CAMSAP2: variants seen among roughly 807,000 people sequenced by gnomAD.
CAMSAP2 encodes the protein calmodulin regulated spectrin associated protein family member 2.
A neutral mutation model predicts 146.1 loss-of-function variants in CAMSAP2; 26 were observed. That is an observed-to-expected ratio of 0.18 (90% confidence interval 0.13 to 0.25). The LOEUF (loss-of-function observed/expected upper bound fraction) is 0.25, where lower values mean the gene tolerates loss of function less well. Ranked by LOEUF, CAMSAP2 falls within the 10% of genes least tolerant of loss-of-function variation. CAMSAP2 has a pLI of 1.00. For missense variants in CAMSAP2, 1,381 were observed against 1,759.3 expected (o/e 0.78, Z 3.85); for synonymous variants, 499 against 596.6 (o/e 0.84, Z 2.38).
chr1:200,812,270 T>C (rs1419319655), intron 3 of CAMSAP2, among the ~76,000 whole-genome samples: 1 of 150,858 alleles, frequency 6.6e-6, no homozygotes, highest in Non-Finnish European at 1.5e-5. Flanking sequence ...GACAAAGAGA[T>C]TATATTTAAT....
chr1:200,760,011 G>A (rs915033664), intron 1 of CAMSAP2, among the ~76,000 whole-genome samples: 1 of 152,242 alleles, frequency 6.6e-6, no homozygotes, highest in African/African-American at 2.4e-5. Context: ...CAGACATTGG[G>A]AGAGTGGGAG....
chr1:200,832,141 T>G lies in CAMSAP2; in HGVS notation c.646-59T>G. 1.4e-6 allele frequency: 2 copies of G among 1,394,852 alleles called. No homozygotes were observed. The highest frequency in any genetic ancestry group is 2.8e-5 in the South Asian group (2 of 71,714). 86.4% of individuals were successfully genotyped at this position (1,394,852 alleles called of 1,614,324 possible). On this transcript the variant is annotated intron_variant, in intron 4 of 16. Coordinates refer to ENST00000358823, the MANE Select transcript of CAMSAP2 (RefSeq NM_203459.4). This position sits in a 1 kb window ranked among gnomAD's most constrained non-coding sequence, Gnocchi z 4.2. ...GTACATTAGAATTTACAGTACTGAT[T>G]TTTTTCCTATGCGTTATTTGGTACT...
Position 200,849,236 on chromosome 1 carries a change from T to G in CAMSAP2, c.2467T>G (p.Ser823Ala). The change falls in exon 11 of 17, where the codon TCA becomes GCA. Residue 823 changes from serine to alanine, a missense_variant. This residue lies in a region of CAMSAP2 where 560 missense variants were observed against 715.9 expected (regional missense o/e 0.78). Transcript: ENST00000358823. This position sits in a 1 kb window ranked among gnomAD's most constrained non-coding sequence, Gnocchi z 6.3. ...VYTDRAKEKE[S>A]QKTDGQRSKS... ...TACTGATCGAGCAAAAGAAAAGGAATCACAAAAAACTGATGGACAAAGGAG... is the reference window on the plus strand; with the variant it reads ...TACTGATCGAGCAAAAGAAAAGGAAGCACAAAAAACTGATGGACAAAGGAG... 1 of 1,613,314 alleles carries G rather than the reference T, an allele frequency of 6.2e-7. No individual in the cohort carries two copies. Among genetic ancestry groups the G allele is most frequent in the Non-Finnish European group, 8.5e-7 (1 of 1,179,858 alleles).
intron 1 of CAMSAP2, among the ~76,000 whole-genome samples, chr1:200,750,885 G>A (rs1664484223): frequency 6.8e-6 from 1 of 146,284 alleles, no homozygotes; most frequent in Non-Finnish European, 1.5e-5. Flanking sequence ...TTATAGGCAT[G>A]AGCCACCGCG....
chr1:200,844,805 TC>T lies in CAMSAP2; in HGVS notation c.1046del (p.Ser349Ter). 6.3e-7 allele frequency: 1 copy of T among 1,593,696 alleles called. No homozygotes were observed. Among genetic ancestry groups the T allele is most frequent in the Admixed American group, 1.8e-5 (1 of 55,350 alleles). On this transcript the variant is annotated frameshift_variant, in exon 8 of 17. Transcript: ENST00000358823. LOFTEE classifies it high-confidence loss of function. ...AGCTGAACCTGTAAAAGATATGCCT[TC>T]AATTCCTGTCTTGAATGCTGCCAAA... is the stretch of plus-strand genomic sequence containing the variant. ...QGAEPVKDMP[S>X]IPVLNAAKRN...
intron 4 of CAMSAP2, among the ~76,000 whole-genome samples, chr1:200,817,548 G>A (rs940245627): frequency 6.6e-6 from 1 of 152,098 alleles, no homozygotes; most frequent in African/African-American, 2.4e-5. Flanking sequence ...TAATCATTCA[G>A]AAACTTTAAT....
At chr1:200,831,562 C>T (rs1011821759) in intron 4 of CAMSAP2, among the ~76,000 whole-genome samples, 1 of 151,432 alleles carries the variant, frequency 6.6e-6, no homozygotes, top group Non-Finnish European at 1.5e-5. Context: ...AAGGTTTCTT[C>T]TCTTTTTCTG....
At chr1:200,845,896 T>C (rs1315440354) in intron 8 of CAMSAP2, among the ~76,000 whole-genome samples, 1 of 152,130 alleles carries the variant, frequency 6.6e-6, no homozygotes, top group African/African-American at 2.4e-5. Context: ...TATTAATACC[T>C]AGATAATCCT....
At chr1:200,787,772 C>T (rs1343948684) in intron 2 of CAMSAP2, among the ~76,000 whole-genome samples, 6 of 152,162 alleles carry the variant, frequency 3.9e-5, no homozygotes, top group Non-Finnish European at 7.4e-5. Context: ...CCAATCAGCA[C>T]GCAAGTTTTG....
chr1:200,780,260 C>T (rs908117118), intron 2 of CAMSAP2, among the ~76,000 whole-genome samples: 1 of 151,918 alleles, frequency 6.6e-6, no homozygotes, highest in African/African-American at 2.4e-5. Context: ...TTACAGAGGT[C>T]GATGTTTTAT....
At chr1:200,791,854 TACTC>T (rs1409815077) in intron 2 of CAMSAP2, among the ~76,000 whole-genome samples, 1 of 152,074 alleles carries the variant, frequency 6.6e-6, no homozygotes, top group East Asian at 1.9e-4. Flanking sequence ...TAATCTCAGT[TACTC>T]AGGAGGCTGA....
intron 11 of CAMSAP2, among the ~76,000 whole-genome samples, chr1:200,851,502 T>C (rs2102258998): frequency 6.6e-6 from 1 of 152,336 alleles, no homozygotes; most frequent in South Asian, 2.1e-4. Context: ...GCCAAGGTAC[T>C]GCATCTTTTT....
chr1:200,857,580 G>A lies in CAMSAP2; in HGVS notation c.4131+156G>A. Reference sequence around the variant, plus strand: ...TCAGATTTAGTTTATTTTCACATTAGGTTCTGGAAGCCTGCAGATTTTATT... The same window carrying A: ...TCAGATTTAGTTTATTTTCACATTAAGTTCTGGAAGCCTGCAGATTTTATT... On this transcript the variant is annotated intron_variant, in intron 16 of 16. Coordinates refer to ENST00000358823, the MANE Select transcript of CAMSAP2 (RefSeq NM_203459.4). This position sits in a 1 kb window ranked among gnomAD's most constrained non-coding sequence, Gnocchi z 4.7. 1.3e-6 allele frequency: 1 copy of A among 780,566 alleles called. No individual in the cohort carries two copies. Among genetic ancestry groups the A allele is most frequent in the Non-Finnish European group, 2.0e-6 (1 of 495,380 alleles). 48.4% of individuals were successfully genotyped at this position (780,566 alleles called of 1,614,324 possible).
intron 3 of CAMSAP2, among the ~76,000 whole-genome samples, chr1:200,812,092 T>G (rs931085512): frequency 2.0e-5 from 3 of 152,208 alleles, no homozygotes; most frequent in African/African-American, 7.2e-5. Context: ...TTTTTTTCTT[T>G]CATAGCACTT....
Position 200,848,992 on chromosome 1 carries a change from C to T in CAMSAP2, c.2223C>T (p.Asp741=), listed in dbSNP as rs1571829741. 6.2e-7 allele frequency: 1 copy of T among 1,614,088 alleles called. No homozygotes were observed. Among genetic ancestry groups the T allele is most frequent in the South Asian group, 1.1e-5 (1 of 91,080 alleles). ...PEETGLPQGR[D]TTQLLASEMV... ...AAACAGGGCTTCCACAGGGACGGGA[C>T]ACTACCCAGCTGTTGGCCTCTGAAA... The change falls in exon 11 of 17, where the codon GAC becomes GAT. Residue 741 remains aspartate (D), a synonymous_variant. Transcript: ENST00000358823.
intron 6 of CAMSAP2, among the ~76,000 whole-genome samples, chr1:200,834,151 C>T (rs902889724): frequency 1.1e-4 from 17 of 151,834 alleles, no homozygotes; most frequent in Admixed American, 7.9e-4. Context: ...ATCACTGAGG[C>T]GAGGAGTTCG....
intron 2 of CAMSAP2, among the ~76,000 whole-genome samples, chr1:200,762,414 ACATAT>A (rs1056789249): frequency 2.0e-5 from 3 of 152,158 alleles, no homozygotes; most frequent in African/African-American, 7.2e-5. Context: ...TGCTTTGCAT[ACATAT>A]CATATGTGAA....
chr1:200,756,561 A>C (rs765241516), intron 1 of CAMSAP2, among the ~76,000 whole-genome samples: 1 of 152,184 alleles, frequency 6.6e-6, no homozygotes, highest in African/African-American at 2.4e-5. Context: ...AATTTTTCCA[A>C]ATTTTGGAAT....
chr1:200,837,466 G>A (rs1489333136), intron 6 of CAMSAP2, among the ~76,000 whole-genome samples: 2 of 152,066 alleles, frequency 1.3e-5, no homozygotes, highest in Non-Finnish European at 2.9e-5. Flanking sequence ...TGCTGTTTTG[G>A]TTACTGTAGC....
Sources: gnomAD v4.1 joint callset for allele counts (sites outside exome capture counted in the v4.1 genomes callset) on GRCh38, gnomAD v4.1.1 for gene constraint, gnomAD v4.1.1 regional missense constraint, Gnocchi (gnomAD v3.1) non-coding constraint, MANE v1.5 for transcripts, NCBI Gene and HGNC (gene_info 2026-07-23, HGNC 2026-07-21) for gene names.